RBFOX1: variants seen among roughly 807,000 people sequenced by gnomAD.
RBFOX1 encodes the protein RNA binding fox-1 homolog 1, also known as RNA binding protein fox-1 homolog 1.
Under a neutral mutation model 57.7 loss-of-function variants are expected in RBFOX1, and 8 were observed. The observed-to-expected ratio is 0.14, with a 90% CI of 0.08 to 0.25. RBFOX1 has a LOEUF of 0.25. Among genes scored for constraint, RBFOX1 ranks in the 10% least tolerant of loss-of-function variants. RBFOX1 has a pLI of 1.00. For synonymous variants in RBFOX1, 326 were observed against 222.4 expected (o/e 1.47, Z -4.15); for missense variants, 611 against 548.5 (o/e 1.11, Z -1.14).
At chr16:6,156,498 G>T (rs2096839414) in intron 1 of RBFOX1, among the ~76,000 whole-genome samples, 1 of 152,204 alleles carries the variant, frequency 6.6e-6, no homozygotes, top group Admixed American at 6.5e-5. Flanking sequence ...AAGGTTTCTT[G>T]ATCTTCACAG....
rs140900554 is a variant in RBFOX1 at position 5,647,465 on chromosome 16, C to G, written c.318+48504C>G. On this transcript the variant is annotated intron_variant, in intron 3 of 19. Transcript: ENST00000641259. ...TTGGCAACATGTAAACACTGCTGTC[C>G]ACTTCACGGGGTTATTGTGAAGTCA... 2.8e-3 allele frequency among the ~76,000 whole-genome samples: 423 copies of G among 152,230 alleles called. 3 individuals are homozygous for G. Among genetic ancestry groups the G allele is most frequent in the African/African-American group, 1.0e-2 (414 of 41,544 alleles).
chr16:6,081,749 G>T (rs1172068947), intron 1 of RBFOX1, among the ~76,000 whole-genome samples: 1 of 152,110 alleles, frequency 6.6e-6, no homozygotes, highest in African/African-American at 2.4e-5. Flanking sequence ...AAGTCCCAAG[G>T]TTAATGGAAT....
chr16:6,221,529 G>T (rs1207864902), intron 1 of RBFOX1, among the ~76,000 whole-genome samples: 1 of 152,126 alleles, frequency 6.6e-6, no homozygotes, highest in Non-Finnish European at 1.5e-5. Flanking sequence ...GTATTCCAAT[G>T]TGTCATCCAA....
chr16:7,231,603 C>T (rs2093495888), intron 4 of RBFOX1, among the ~76,000 whole-genome samples: 1 of 152,170 alleles, frequency 6.6e-6, no homozygotes, highest in Non-Finnish European at 1.5e-5. Flanking sequence ...CTTATAACAT[C>T]ACCATTCATT....
chr16:7,343,974 C>G (rs1316978861), intron 4 of RBFOX1, among the ~76,000 whole-genome samples: 1 of 152,154 alleles, frequency 6.6e-6, no homozygotes, highest in South Asian at 2.1e-4. Flanking sequence ...ACCACCACAA[C>G]CAACACCAAT....
chr16:7,580,603 C>G (rs1482622779), intron 6 of RBFOX1, among the ~76,000 whole-genome samples: 1 of 152,188 alleles, frequency 6.6e-6, no homozygotes, highest in Admixed American at 6.5e-5. Context: ...AAACACAGAG[C>G]AGGCCACAAG....
intron 2 of RBFOX1, among the ~76,000 whole-genome samples, chr16:5,577,274 G>T (rs182272322): frequency 1.3e-5 from 2 of 152,172 alleles, no homozygotes; most frequent in Admixed American, 6.5e-5. Context: ...GCTCCTGTTC[G>T]TCTGATTGGC....
At chr16:7,481,890 C>T (rs2064040524) in intron 4 of RBFOX1, among the ~76,000 whole-genome samples, 1 of 152,166 alleles carries the variant, frequency 6.6e-6, no homozygotes, top group Non-Finnish European at 1.5e-5. Flanking sequence ...GGCTATCTTA[C>T]AATAAAGTGT....
intron 4 of RBFOX1, among the ~76,000 whole-genome samples, chr16:7,204,148 C>T (rs556240173): frequency 1.6e-3 from 245 of 152,320 alleles, no homozygotes; most frequent in African/African-American, 5.5e-3. Flanking sequence ...CAGATACCTG[C>T]CAGAAGGCTT....
intron 4 of RBFOX1, among the ~76,000 whole-genome samples, chr16:7,213,349 A>G (rs1192668354): frequency 1.3e-5 from 2 of 152,230 alleles, no homozygotes; most frequent in East Asian, 3.8e-4. Flanking sequence ...AGATAATTTT[A>G]GGAATACGGG....
intron 1 of RBFOX1, among the ~76,000 whole-genome samples, chr16:5,279,125 G>A (rs1227037464): frequency 6.6e-6 from 1 of 151,978 alleles, no homozygotes; most frequent in African/African-American, 2.4e-5. Flanking sequence ...TTTCTGTGAA[G>A]AATATAATTG....
intron 4 of RBFOX1, among the ~76,000 whole-genome samples, chr16:7,450,915 G>A (rs1463513640): frequency 6.6e-6 from 1 of 152,176 alleles, no homozygotes; most frequent in Non-Finnish European, 1.5e-5. Flanking sequence ...CCACAGCGTA[G>A]GTTGGTAACT....
chr16:7,544,348 T>A lies in RBFOX1; in HGVS notation c.270+25959T>A, dbSNP rs896459258. Among the ~76,000 whole-genome samples, 17 of 152,168 alleles carry A rather than the reference T, an allele frequency of 1.1e-4. 1 individual carries two copies. Among genetic ancestry groups the A allele is most frequent in the Admixed American group, 1.1e-3 (17 of 15,270 alleles). On this transcript the variant is annotated intron_variant, in intron 5 of 15. Coordinates refer to ENST00000550418, the MANE Select transcript of RBFOX1 (RefSeq NM_018723.4). ...GGCTTGATTTAATGTACTGAGTGAA[T>A]TAGTGTCCCCCCAAATTTATGTCCA...
intron 14 of RBFOX1, among the ~76,000 whole-genome samples, chr16:7,688,248 TGTGTGTGTGTGTGAGAGA>T (rs1421465460): frequency 2.1e-5 from 2 of 97,244 alleles, no homozygotes; most frequent in African/African-American, 7.4e-5. Context: ...TGTGTGTGTG[TGTGTGTGTGTGTGAGAGA>T]GAGAGAGAGA....
At chr16:5,882,033 A>G (rs2057777193) in intron 4 of RBFOX1, among the ~76,000 whole-genome samples, 2 of 152,314 alleles carry the variant, frequency 1.3e-5, no homozygotes, top group African/African-American at 4.8e-5. Flanking sequence ...ATTCCCCACC[A>G]CATTCCTATC....
chr16:5,341,279 G>T (rs1232745005), intron 1 of RBFOX1, among the ~76,000 whole-genome samples: 1 of 150,858 alleles, frequency 6.6e-6, no homozygotes, highest in East Asian at 1.9e-4. Flanking sequence ...AAAATTTTGG[G>T]ATAGGGAATG....
intron 4 of RBFOX1, among the ~76,000 whole-genome samples, chr16:5,873,163 CAAA>C (rs1213881791): frequency 7.1e-6 from 1 of 140,324 alleles, no homozygotes; most frequent in East Asian, 1.9e-4. Flanking sequence ...AACAAAGAAA[CAAA>C]CAACAACAAC....
intron 3 of RBFOX1, among the ~76,000 whole-genome samples, chr16:6,947,456 G>C (rs748634046): frequency 7.2e-5 from 11 of 152,166 alleles, no homozygotes; most frequent in Non-Finnish European, 1.3e-4. Flanking sequence ...TATTTCATCC[G>C]GCTGAGAACA....
intron 1 of RBFOX1, among the ~76,000 whole-genome samples, chr16:5,432,739 C>G (rs2067791553): frequency 6.6e-6 from 1 of 152,014 alleles, no homozygotes; most frequent in Non-Finnish European, 1.5e-5. Context: ...AGTTAGTGTT[C>G]TCCTGTCTTT....
Sources: allele counts gnomAD v4.1 joint callset (sites outside exome capture counted in the v4.1 genomes callset), GRCh38; gene constraint gnomAD v4.1.1; transcripts MANE v1.5; gene names NCBI Gene and HGNC (gene_info 2026-07-23, HGNC 2026-07-21).